PKIB: variants seen among roughly 807,000 people sequenced by gnomAD.
PKIB encodes PKI-beta.
A neutral mutation model predicts 4.5 loss-of-function variants in PKIB; 2 were observed. That is an observed-to-expected ratio of 0.44 (90% CI 0.18 to 1.39). The LOEUF (loss-of-function observed/expected upper bound fraction) is 1.39. PKIB is among the 40% of genes most tolerant of loss of function. The probability of loss-of-function intolerance (pLI) is 0.27; values close to 1 mark genes in which losing one functional copy is unlikely to be tolerated. For synonymous variants in PKIB, 38 were observed against 36.0 expected (o/e 1.06, Z -0.20); for missense variants, 94 against 92.6 (o/e 1.02, Z -0.06).
intron 2 of PKIB, among the ~76,000 whole-genome samples, chr6:122,504,882 C>T (rs1004517587): frequency 1.3e-5 from 2 of 152,014 alleles, no homozygotes; most frequent in Admixed American, 6.6e-5. Flanking sequence ...GTAGGGTATC[C>T]GAAGTCCGGT....
chr6:122,608,385 AT>A (rs1774617124), upstream of PKIB, among the ~76,000 whole-genome samples: 1 of 152,134 alleles, frequency 6.6e-6, no homozygotes, highest in African/African-American at 2.4e-5. Context: ...AATTCACATG[AT>A]TGTGTGGAAT....
At chr6:122,549,889 T>C (rs974792871) in intron 2 of PKIB, among the ~76,000 whole-genome samples, 10 of 145,456 alleles carry the variant, frequency 6.9e-5, no homozygotes, top group East Asian at 6.3e-4. Flanking sequence ...TAATTTTATA[T>C]ATACACACAC....
intron 2 of PKIB, among the ~76,000 whole-genome samples, chr6:122,674,571 T>C (rs1269955362): frequency 8.5e-5 from 13 of 152,202 alleles, no homozygotes; most frequent in Admixed American, 8.5e-4. Flanking sequence ...GATGGTTCGA[T>C]TCCTTTGACA....
intron 3 of PKIB, among the ~76,000 whole-genome samples, chr6:122,706,310 T>A (rs1390538207): frequency 6.6e-6 from 1 of 152,222 alleles, no homozygotes; most frequent in Admixed American, 6.5e-5. Context: ...ATTTTTACAT[T>A]TCCTTTAATA....
chr6:122,587,280 G>A (rs1582716333), intron 3 of PKIB, among the ~76,000 whole-genome samples: 1 of 152,182 alleles, frequency 6.6e-6, no homozygotes, highest in East Asian at 1.9e-4. Context: ...TGCGGTGTTT[G>A]GTTTTTTATC....
At position 122,688,842 on chromosome 6, in the gene PKIB, G is replaced by A. The variant is rs1321617015; in HGVS notation, c.-9+13698G>A. Among the ~76,000 whole-genome samples the A allele has an allele frequency of 6.7e-5, 10 of 149,788 alleles. No homozygotes were observed. The South Asian group carries it at 8.4e-4, about 13-fold the overall frequency. The stretch of plus-strand genomic sequence containing the variant: ...GTCGCCCAGGCTGGAGTGCAGTGGC[G>A]CGATCTCGGCTCACTGCAAGCTCCG... On this transcript the variant is annotated intron_variant, in intron 3 of 4. Transcript: ENST00000368452.
intron 2 of PKIB, among the ~76,000 whole-genome samples, chr6:122,585,114 A>G (rs750070713): frequency 2.4e-4 from 36 of 152,144 alleles, no homozygotes; most frequent in Non-Finnish European, 7.4e-5. Flanking sequence ...GGCACACTGC[A>G]TATAGGATAG....
At chr6:122,675,772 T>C (rs558133527) in intron 3 of PKIB, among the ~76,000 whole-genome samples, 1 of 152,092 alleles carries the variant, frequency 6.6e-6, no homozygotes, top group Non-Finnish European at 1.5e-5. Context: ...TTTTATTAGA[T>C]AAATTTAGAA....
At chr6:122,665,327 G>C (rs1406839232) in intron 2 of PKIB, among the ~76,000 whole-genome samples, 3 of 152,108 alleles carry the variant, frequency 2.0e-5, no homozygotes, top group Non-Finnish European at 4.4e-5. Context: ...ACTCTTCAAA[G>C]GGCCCTTTAA....
intron 2 of PKIB, among the ~76,000 whole-genome samples, chr6:122,551,784 A>G (rs1772680026): frequency 6.6e-6 from 1 of 152,098 alleles, no homozygotes; most frequent in African/African-American, 2.4e-5. Flanking sequence ...TTTGTCTTTA[A>G]ATACTAAAAC....
At chr6:122,563,575 C>T (rs765932713) in intron 2 of PKIB, among the ~76,000 whole-genome samples, 1 of 152,018 alleles carries the variant, frequency 6.6e-6, no homozygotes, top group Non-Finnish European at 1.5e-5. Context: ...AGGGAAGGAA[C>T]ATCAGGCGGG....
intron 3 of PKIB, among the ~76,000 whole-genome samples, chr6:122,688,355 A>G (rs9401566): frequency 0.25 from 38,660 of 151,886 alleles, 5,479 homozygotes; most frequent in East Asian, 0.54. Flanking sequence ...TTGGTTTGCT[A>G]GTGTTTTGTT....
intron 3 of PKIB, among the ~76,000 whole-genome samples, chr6:122,705,635 G>A (rs539058756): frequency 7.2e-4 from 100 of 138,268 alleles, no homozygotes; most frequent in Non-Finnish European, 1.4e-3. Flanking sequence ...GCGCAATTTC[G>A]ACTCACTGCA....
chr6:122,626,097 G>GAT (rs759904972), intron 1 of PKIB, among the ~76,000 whole-genome samples: 211 of 151,762 alleles, frequency 1.4e-3, no homozygotes, highest in South Asian at 6.7e-3. Flanking sequence ...TAGATAGATA[G>GAT]AGATAGATTA....
chr6:122,673,105 A>C (rs892264028), intron 2 of PKIB, among the ~76,000 whole-genome samples: 1 of 152,168 alleles, frequency 6.6e-6, no homozygotes, highest in African/African-American at 2.4e-5. Context: ...AGGGAAAAAC[A>C]TAACTATTTC....
intron 2 of PKIB, among the ~76,000 whole-genome samples, chr6:122,578,835 A>T (rs1323503774): frequency 6.6e-6 from 1 of 152,110 alleles, no homozygotes; most frequent in African/African-American, 2.4e-5. Context: ...GGGGTCAGTT[A>T]CCCTCATGCT....
intron 2 of PKIB, chr6:122,643,878 AT>A (rs1776211539): frequency 6.6e-6 from 1 of 152,326 alleles, no homozygotes; most frequent in Non-Finnish European, 1.5e-5. Context: ...GTATCTTTAA[AT>A]TGCTGGAAGA....
chr6:122,527,768 G>A (rs1020280745), intron 2 of PKIB, among the ~76,000 whole-genome samples: 2 of 152,152 alleles, frequency 1.3e-5, no homozygotes, highest in Non-Finnish European at 2.9e-5. Context: ...TGAGGCACAA[G>A]GTGAGCACAT....
At chr6:122,558,780 G>A (rs1489730992) in intron 2 of PKIB, among the ~76,000 whole-genome samples, 1 of 151,724 alleles carries the variant, frequency 6.6e-6, no homozygotes, top group Admixed American at 6.6e-5. Context: ...AAGTTATTGG[G>A]TACAGGTGGT....
Sources: allele counts gnomAD v4.1 joint callset (sites outside exome capture counted in the v4.1 genomes callset), GRCh38; gene constraint gnomAD v4.1.1; transcripts MANE v1.5; gene names NCBI Gene and HGNC (gene_info 2026-07-23, HGNC 2026-07-21).